The following GPR65 variants were observed in gnomAD, a reference collection of about 807,000 sequenced individuals.
GPR65 encodes the protein G protein-coupled receptor 65.
A neutral mutation model predicts 0.7 loss-of-function variants in GPR65; 2 were observed. The ratio of observed to expected loss-of-function variants is 2.83; its 90% CI spans 1.16 to 8.92. The LOEUF (loss-of-function observed/expected upper bound fraction) is 8.92, where lower values mean the gene tolerates loss of function less well. GPR65 is among the 30% of genes most tolerant of loss of function. The probability of loss-of-function intolerance (pLI) is 0.04; values close to 1 mark genes in which losing one functional copy is unlikely to be tolerated. For synonymous variants in GPR65, 128 were observed against 146.5 expected, an observed-to-expected ratio of 0.87 and a Z score of 0.91; for missense variants, 379 against 399.4, an observed-to-expected ratio of 0.95 and a Z score of 0.43.
Position 88,011,752 on chromosome 14 carries a change from G to A in GPR65, c.905G>A (p.Trp302Ter). Residue 302 changes from tryptophan (W) to a stop codon, truncating the protein, a stop_gained, in exon 2 of 2, where the codon TGG (tryptophan) becomes TAG (stop). Transcript: ENST00000267549. LOFTEE classifies it low-confidence loss of function (END_TRUNC). ...FVTETGRYDMWNILKFCTGRC... is the reference protein window; with the variant it reads ...FVTETGRYDM ...ACCGAAACAGGAAGATATGATATGT[G>A]GAATATATTAAAATTCTGCACTGGG... The A allele has an allele frequency of 1.2e-6, 2 of 1,612,352 alleles. No individual in the cohort carries two copies. The highest frequency in any genetic ancestry group is 1.1e-5 in the South Asian group (1 of 91,030).
At chr14:88,010,357 T>C (rs1402425020) in intron 1 of GPR65, 32 bp from the exon 2 acceptor site, 1 of 154,726 alleles carries the variant, frequency 6.5e-6, no homozygotes, top group African/African-American at 2.4e-5. Flanking sequence ...ATCTTAAACA[T>C]CTAAACAATT....
chr14:88,006,269 C>T (rs1887592831), intron 1 of GPR65, among the ~76,000 whole-genome samples: 1 of 152,196 alleles, frequency 6.6e-6, no homozygotes, highest in Non-Finnish European at 1.5e-5. Flanking sequence ...GAATGCCTCC[C>T]ATGTGCTAGG....
At chr14:88,009,543 G>C (rs1887642895) in intron 1 of GPR65, among the ~76,000 whole-genome samples, 1 of 152,052 alleles carries the variant, frequency 6.6e-6, no homozygotes, top group Non-Finnish European at 1.5e-5. Context: ...AGTGTTTCTA[G>C]AAAGCTTTCT....
In GPR65 at chr14:88,010,660, G is replaced by GT; in HGVS notation, c.-187dup. On this transcript the variant is annotated 5_prime_UTR_variant, in exon 2 of 2. Coordinates refer to ENST00000267549, the MANE Select transcript of GPR65 (RefSeq NM_003608.4). ...TTTACTTCCAACTGCTGATATCTGTGTAAAAATTGATCTACATCCACCCTT... is the reference window on the plus strand; with the variant it reads ...TTTACTTCCAACTGCTGATATCTGTGTTAAAAATTGATCTACATCCACCCTT... 1.8e-6 allele frequency: 1 copy of GT among 551,458 alleles called. No individual in the cohort carries two copies. Among genetic ancestry groups the GT allele is most frequent in the Non-Finnish European group, 3.2e-6 (1 of 310,626 alleles). 34.2% of individuals were successfully genotyped at this position (551,458 alleles called of 1,614,324 possible).
At chr14:88,006,416 G>A (rs1280843592) in intron 1 of GPR65, among the ~76,000 whole-genome samples, 1 of 152,090 alleles carries the variant, frequency 6.6e-6, no homozygotes, top group Non-Finnish European at 1.5e-5. Context: ...AGAGGCATTC[G>A]AATTGTCTCC....
Position 88,011,660 on chromosome 14 carries a change from G to T in GPR65, c.813G>T (p.Met271Ile). ...ATTCTGGGAAGCGAACTTACACAATGTATAGAATCACGGTTGCATTAACAA... is the reference window on the plus strand; with the variant it reads ...ATTCTGGGAAGCGAACTTACACAATTTATAGAATCACGGTTGCATTAACAA... ...HSNSGKRTYTMYRITVALTSL... is the reference protein window; with the variant it reads ...HSNSGKRTYTIYRITVALTSL... The change falls in exon 2 of 2, where the codon ATG becomes ATT. Residue 271 changes from methionine to isoleucine, a missense_variant. Met to Ile is a conservative substitution (Grantham distance 10, BLOSUM62 1). Coordinates refer to ENST00000267549, the MANE Select transcript of GPR65 (RefSeq NM_003608.4). 1 of 1,613,814 alleles carries T rather than the reference G, an allele frequency of 6.2e-7. No individual in the cohort carries two copies. Among genetic ancestry groups the T allele is most frequent in the South Asian group, 1.1e-5 (1 of 91,070 alleles).
chr14:88,011,971 AG>A lies in GPR65; in HGVS notation c.*111del. ...ATGTGAGGGGACTAAGTGTTCTCAG[AG>A]TGATGTTTTAATCCAGTCCAATAAA... On this transcript the variant is annotated 3_prime_UTR_variant, in exon 2 of 2. Coordinates refer to ENST00000267549, the MANE Select transcript of GPR65 (RefSeq NM_003608.4). 1 of 768,438 alleles carries A rather than the reference AG, an allele frequency of 1.3e-6. No individual in the cohort carries two copies. Among genetic ancestry groups the A allele is most frequent in the Non-Finnish European group, 2.1e-6 (1 of 467,690 alleles). 47.6% of individuals were successfully genotyped at this position (768,438 alleles called of 1,614,324 possible). A position where few individuals can be genotyped will look rare whatever the true frequency, so the allele number is the denominator to read the frequency against.
chr14:88,009,203 C>G (rs184380211), intron 1 of GPR65, among the ~76,000 whole-genome samples: 3 of 152,200 alleles, frequency 2.0e-5, no homozygotes, highest in African/African-American at 7.2e-5. Context: ...TCCTCCAGAT[C>G]TACATATGTC....
rs566099533 is a variant in GPR65 at position 88,011,218 on chromosome 14, T to C, written c.371T>C (p.Phe124Ser). The change falls in exon 2 of 2, where the codon TTC becomes TCC. Residue 124 changes from phenylalanine to serine, a missense_variant. Phe to Ser is a radical substitution (Grantham distance 155). Transcript: ENST00000267549. ...GTTGTCTACCCTTTGAAGTTTTTTT[T>C]CCTAAGGACAAGAAGATTTGCACTC... ...LAVVYPLKFF[F>S]LRTRRFALMV... The C allele has an allele frequency of 2.2e-5, 35 of 1,613,804 alleles. No individual in the cohort carries two copies. The highest frequency in any genetic ancestry group is 5.5e-5 in the South Asian group (5 of 91,092).
chr14:88,008,393 A>C (rs1887627853), intron 1 of GPR65, among the ~76,000 whole-genome samples: 1 of 152,188 alleles, frequency 6.6e-6, no homozygotes, highest in Non-Finnish European at 1.5e-5. Context: ...CCTGGTTTGT[A>C]TCAGATAATA....
chr14:88,010,130 T>C (rs1411817294), intron 1 of GPR65, among the ~76,000 whole-genome samples: 2 of 152,224 alleles, frequency 1.3e-5, no homozygotes, highest in African/African-American at 4.8e-5. Context: ...TCTTGGGTTA[T>C]ATCCATTGAG....
intron 1 of GPR65, among the ~76,000 whole-genome samples, chr14:88,008,753 T>G (rs1254781777): frequency 6.6e-6 from 1 of 152,216 alleles, no homozygotes; most frequent in African/African-American, 2.4e-5. Context: ...TTCTATTTCC[T>G]TCCTAACACT....
intron 1 of GPR65, among the ~76,000 whole-genome samples, chr14:88,006,724 G>A (rs1324766441): frequency 6.6e-6 from 1 of 152,076 alleles, no homozygotes; most frequent in African/African-American, 2.4e-5. Flanking sequence ...TTAAGGGGAG[G>A]ATGTTTTCAT....
chr14:88,012,525 A>G lies in GPR65; in HGVS notation c.*664A>G, dbSNP rs1887700930. On this transcript the variant is annotated 3_prime_UTR_variant, in exon 2 of 2. Coordinates refer to ENST00000267549, the MANE Select transcript of GPR65 (RefSeq NM_003608.4). ...CCCTGCTCTCCCGTCCATGCCAGTT[A>G]TTAATTTACTTTCTGTCTCTAAGGA... The G allele has an allele frequency of 6.6e-6, 1 of 152,184 alleles. No individual in the cohort carries two copies. The highest frequency in any genetic ancestry group is 6.5e-5 in the Admixed American group (1 of 15,282). The allele number at this position is 152,184 out of a possible 1,614,324, so 9.4% of individuals were successfully genotyped here. A position where few individuals can be genotyped will look rare whatever the true frequency, so the allele number is the denominator to read the frequency against.
intron 1 of GPR65, among the ~76,000 whole-genome samples, chr14:88,009,429 T>C (rs1887641820): frequency 7.0e-6 from 1 of 143,726 alleles, no homozygotes; most frequent in South Asian, 2.3e-4. Flanking sequence ...TATTTTCCCA[T>C]ATGATTTACT....
Position 88,011,818 on chromosome 14 carries a change from C to G in GPR65, c.971C>G (p.Ser324Cys). The change falls in exon 2 of 2, where the codon TCT becomes TGT. Residue 324 changes from serine to cysteine, a missense_variant. Physicochemically the swap from Ser to Cys is moderately radical, Grantham distance 112. Coordinates refer to ENST00000267549, the MANE Select transcript of GPR65 (RefSeq NM_003608.4). Reference sequence around the variant, plus strand: ...CAAAGACAAAGAAAACGCATACTTTCTGTGTCTACAAAAGATACTATGGAA... The same window carrying G: ...CAAAGACAAAGAAAACGCATACTTTGTGTGTCTACAAAAGATACTATGGAA... ...TSQRQRKRIL[S>C]VSTKDTMELE... is the part of the protein sequence containing the mutation. 2 of 1,593,006 alleles carry G rather than the reference C, an allele frequency of 1.3e-6. No individual in the cohort carries two copies. The highest frequency in any genetic ancestry group is 1.7e-6 in the Non-Finnish European group (2 of 1,167,888).
Position 88,011,494 on chromosome 14 carries a change from C to A in GPR65, c.647C>A (p.Thr216Lys). 11 of 1,614,020 alleles carry A rather than the reference C, an allele frequency of 6.8e-6. No individual in the cohort carries two copies. Among genetic ancestry groups the A allele is most frequent in the South Asian group, 1.1e-5 (1 of 91,074 alleles). Residue 216 changes from threonine to lysine, a missense_variant, in exon 2 of 2, where the codon ACG becomes AAG. By Grantham distance (78) the Thr-to-Lys change is moderately conservative. Coordinates refer to ENST00000267549, the MANE Select transcript of GPR65 (RefSeq NM_003608.4). ...CAAGCTGTGCGGCACAATAAAGCCA[C>A]GGAAAACAAGGAAAAGAAGAGAATC... ...VYQAVRHNKATENKEKKRIIK... is the reference protein window; with the variant it reads ...VYQAVRHNKAKENKEKKRIIK...
At position 88,010,781 on chromosome 14, in the gene GPR65, C is replaced by T. The variant is rs999420180; in HGVS notation, c.-67C>T. The T allele has an allele frequency of 4.8e-5, 52 of 1,094,144 alleles. No individual in the cohort carries two copies. The highest frequency in any genetic ancestry group is 5.9e-5 in the South Asian group (4 of 68,196). 67.8% of individuals were successfully genotyped at this position (1,094,144 alleles called of 1,614,324 possible). The stretch of plus-strand genomic sequence containing the variant: ...CGAATTCGATGTTCAAAACAAACTA[C>T]AAAGAGACAAGACTTCTCTGTTTAC... On this transcript the variant is annotated 5_prime_UTR_variant, in exon 2 of 2. Coordinates refer to ENST00000267549, the MANE Select transcript of GPR65 (RefSeq NM_003608.4).
rs1887691266 is a variant in GPR65, at chr14:88,012,075, T to G, written c.*214T>G. ...GTATATTAAACAAAGATCAATATTT[T>G]CTTAATGACTCAGGGTCTTTATTGT... On this transcript the variant is annotated 3_prime_UTR_variant, in exon 2 of 2. Transcript: ENST00000267549. 1 of 415,636 alleles carries G rather than the reference T, an allele frequency of 2.4e-6. No individual in the cohort carries two copies. Among genetic ancestry groups the G allele is most frequent in the East Asian group, 3.9e-5 (1 of 25,406 alleles). 25.7% of individuals were successfully genotyped at this position (415,636 alleles called of 1,614,324 possible).
Sources: allele counts gnomAD v4.1 joint callset (sites outside exome capture counted in the v4.1 genomes callset), GRCh38; gene constraint gnomAD v4.1.1; transcripts MANE v1.5; gene names NCBI Gene and HGNC (gene_info 2026-07-23, HGNC 2026-07-21).